The following GLI3 variants were observed in gnomAD, a reference collection of about 807,000 sequenced individuals.
GLI3 encodes the protein transcription activator GLI3.
GLI3 carries 20 observed loss-of-function variants against 100.8 expected under a neutral mutation model. The observed-to-expected ratio is 0.20, with a 90% CI of 0.14 to 0.29. The LOEUF (loss-of-function observed/expected upper bound fraction) is 0.29, where lower values mean the gene tolerates loss of function less well. Ranked by LOEUF, GLI3 falls within the 10% of genes least tolerant of loss-of-function variation. The probability of loss-of-function intolerance (pLI) is 1.00; values close to 1 mark genes in which losing one functional copy is unlikely to be tolerated. For missense variants in GLI3, 2,040 were observed against 2,128.5 expected, an observed-to-expected ratio of 0.96 and a Z score of 0.82; for synonymous variants, 938 against 860.5, an observed-to-expected ratio of 1.09 and a Z score of -1.58.
Position 41,964,916 on chromosome 7 carries a change from C to A in GLI3, c.4157G>T (p.Cys1386Phe). Residue 1386 changes from cysteine (C) to phenylalanine (F), a missense_variant, in exon 15 of 15, where the codon TGT becomes TTT. Cys to Phe is a radical substitution (Grantham distance 205). This residue lies in a region of GLI3 where 1,041 missense variants were observed against 924.0 expected (regional missense o/e 1.13). Coordinates refer to ENST00000395925, the MANE Select transcript of GLI3 (RefSeq NM_000168.6). ...GCGCCTGCTGCCCCCAAAGCTGGCA[C>A]ATGGCTGGTAGCCCCTGACAACTGC... ...SLAVVRGYQP[C>F]ASFGGSRRQA... is the part of the protein sequence containing the mutation. 6.2e-7 allele frequency: 1 copy of A among 1,613,810 alleles called. No individual in the cohort carries two copies. Among genetic ancestry groups the A allele is most frequent in the Non-Finnish European group, 8.5e-7 (1 of 1,180,052 alleles).
At position 41,962,224 on chromosome 7, in the gene GLI3, G is replaced by C. The variant is rs1787030597; in HGVS notation, c.*2106C>G. On this transcript the variant is annotated 3_prime_UTR_variant, in exon 15 of 15. Coordinates refer to ENST00000395925, the MANE Select transcript of GLI3 (RefSeq NM_000168.6). ...CACCCAAGCTCCTTTCTTAGGAGGA[G>C]TGGAGAACACTCAGGCCCCATGCTT... 1 of 152,230 alleles carries C rather than the reference G, an allele frequency of 6.6e-6. No homozygotes were observed. Among genetic ancestry groups the C allele is most frequent in the Admixed American group, 6.5e-5 (1 of 15,274 alleles). The allele number at this position is 152,230 out of a possible 1,614,324, so 9.4% of individuals were successfully genotyped here. A position where few individuals can be genotyped will look rare whatever the true frequency, so the allele number is the denominator to read the frequency against.
rs574693849 is a variant in GLI3, at chr7:42,126,729, A to G, written c.367+21497T>C. The stretch of plus-strand genomic sequence containing the variant: ...TCATGGTCTTGTGTTTTATCTGCAC[A>G]GTATTTAAAATTTTCAGAAAAGTAT... On this transcript the variant is annotated intron_variant, in intron 3 of 14. Transcript: ENST00000395925. Among the ~76,000 whole-genome samples, 3 of 152,352 alleles carry G rather than the reference A, an allele frequency of 2.0e-5. No homozygotes were observed. In the South Asian group the frequency reaches 6.2e-4, roughly 32 times the overall value.
chr7:42,132,069 A>G (rs1786289840), intron 3 of GLI3, among the ~76,000 whole-genome samples: 2 of 151,344 alleles, frequency 1.3e-5, no homozygotes, highest in Admixed American at 1.3e-4. Flanking sequence ...GGTCTTCAGG[A>G]CTTCATTATT....
upstream of GLI3, among the ~76,000 whole-genome samples, chr7:42,239,326 C>T (rs554818379): frequency 9.2e-4 from 140 of 152,268 alleles, 1 homozygote; most frequent in Non-Finnish European, 1.1e-3. Flanking sequence ...TTAGGAGTGC[C>T]AGGTCGCGTA....
intron 3 of GLI3, among the ~76,000 whole-genome samples, chr7:42,087,116 G>C (rs1359237464): frequency 6.6e-6 from 1 of 152,208 alleles, no homozygotes. Flanking sequence ...AGGTGAAAAG[G>C]GGGAGGAAAG....
At chr7:42,241,592 C>A (rs568503885), upstream of GLI3, among the ~76,000 whole-genome samples, 3 of 152,212 alleles carry the variant, frequency 2.0e-5, no homozygotes, top group South Asian at 4.1e-4. Flanking sequence ...TTAAGTGCAT[C>A]GCACACGGGG....
At chr7:42,144,957 C>G (rs1370312876) in intron 3 of GLI3, among the ~76,000 whole-genome samples, 8 of 152,292 alleles carry the variant, frequency 5.3e-5, no homozygotes, top group Non-Finnish European at 1.0e-4. Context: ...TACTGAAGGT[C>G]TGCAATGCGC....
chr7:42,251,331 C>A (rs980695692), intron 1 of GLI3, among the ~76,000 whole-genome samples: 1 of 152,188 alleles, frequency 6.6e-6, no homozygotes, highest in Non-Finnish European at 1.5e-5. Flanking sequence ...AACCTAGATC[C>A]CTTGCAAACA....
chr7:42,168,108 CA>C (rs1400012907), intron 2 of GLI3, among the ~76,000 whole-genome samples: 1 of 152,154 alleles, frequency 6.6e-6, no homozygotes, highest in Non-Finnish European at 1.5e-5. Context: ...AAGAAAATAA[CA>C]AGACATAAGA....
intron 13 of GLI3, among the ~76,000 whole-genome samples, chr7:41,969,492 T>C (rs562980533): frequency 1.3e-5 from 2 of 152,270 alleles, no homozygotes; most frequent in South Asian, 4.2e-4. Flanking sequence ...GTACACTAAC[T>C]TTGTCCCGGG....
chr7:42,172,965 C>T (rs898189043), intron 2 of GLI3, among the ~76,000 whole-genome samples: 1 of 152,208 alleles, frequency 6.6e-6, no homozygotes, highest in African/African-American at 2.4e-5. Flanking sequence ...AGAGAAAGGA[C>T]CACGGACAAG....
At chr7:42,050,229 G>C (rs1784327974) in intron 4 of GLI3, among the ~76,000 whole-genome samples, 1 of 152,068 alleles carries the variant, frequency 6.6e-6, no homozygotes, top group Non-Finnish European at 1.5e-5. Context: ...CTTTGGGAAA[G>C]CAAAATAAAA....
intron 3 of GLI3, among the ~76,000 whole-genome samples, chr7:42,084,495 C>G (rs1404545176): frequency 2.0e-5 from 3 of 152,210 alleles, no homozygotes; most frequent in African/African-American, 7.2e-5. Flanking sequence ...ACTGGCTGAC[C>G]AGCCATATCC....
At chr7:42,101,848 A>G (rs1274545221) in intron 3 of GLI3, among the ~76,000 whole-genome samples, 1 of 80,524 alleles carries the variant, frequency 1.2e-5, no homozygotes, top group African/African-American at 8.5e-5. Context: ...CTCCCACCCC[A>G]CAACAGTCCC....
intron 2 of GLI3, among the ~76,000 whole-genome samples, chr7:42,199,073 AAAG>A (rs1333475176): frequency 1.3e-5 from 2 of 152,222 alleles, no homozygotes; most frequent in Non-Finnish European, 2.9e-5. Flanking sequence ...ACGAGAAACA[AAAG>A]AAGAATACAC....
intron 6 of GLI3, among the ~76,000 whole-genome samples, chr7:42,041,423 C>T (rs1047763136): frequency 1.3e-5 from 2 of 152,204 alleles, no homozygotes; most frequent in African/African-American, 4.8e-5. Context: ...CAGGTCCATT[C>T]TGCCTTTTTG....
chr7:42,192,488 A>G (rs925501725), intron 2 of GLI3, among the ~76,000 whole-genome samples: 6 of 152,214 alleles, frequency 3.9e-5, no homozygotes, highest in African/African-American at 1.4e-4. Context: ...CTAAAATTTA[A>G]AACAGCTCAT....
chr7:42,149,254 T>A (rs539892995), intron 2 of GLI3, among the ~76,000 whole-genome samples: 1 of 152,308 alleles, frequency 6.6e-6, no homozygotes, highest in Admixed American at 6.5e-5. Context: ...GATGTTGATA[T>A]GTGTCCATGC....
chr7:42,253,033 ATAGTCT>A (rs1275353543), intron 1 of GLI3, among the ~76,000 whole-genome samples: 1 of 44,034 alleles, frequency 2.3e-5, no homozygotes, highest in Admixed American at 2.6e-4. Context: ...CAAAGCAATC[ATAGTCT>A]TAAATAATTT....
Sources: allele counts gnomAD v4.1 joint callset (sites outside exome capture counted in the v4.1 genomes callset), GRCh38; gene constraint gnomAD v4.1.1; regional missense constraint gnomAD v4.1.1; transcripts MANE v1.5; gene names NCBI Gene and HGNC (gene_info 2026-07-23, HGNC 2026-07-21).